B3GLCT: variants seen among roughly 807,000 people sequenced by gnomAD.
The protein encoded by B3GLCT is beta-1,3-glucosyltransferase.
In B3GLCT, 65 loss-of-function variants were observed where a neutral mutation model predicts 63.4. The observed-to-expected ratio is 1.03, with a 90% CI of 0.84 to 1.26. The LOEUF (loss-of-function observed/expected upper bound fraction) is 1.26, where lower values mean the gene tolerates loss of function less well. Among genes scored for constraint, B3GLCT ranks in the 50% most tolerant of loss-of-function variants. The probability of loss-of-function intolerance (pLI) is 0.00; values close to 1 mark genes in which losing one functional copy is unlikely to be tolerated. For synonymous variants in B3GLCT, 233 were observed against 219.2 expected (o/e 1.06, Z -0.55); for missense variants, 577 against 604.8 (o/e 0.95, Z 0.48).
intron 2 of B3GLCT, among the ~76,000 whole-genome samples, chr13:31,221,924 A>C (rs2137756984): frequency 6.6e-6 from 1 of 152,342 alleles, no homozygotes; most frequent in Admixed American, 6.5e-5. Context: ...TGGCACATTT[A>C]GCTGCTGACA....
intron 2 of B3GLCT, among the ~76,000 whole-genome samples, chr13:31,221,573 C>G (rs1293777540): frequency 6.6e-6 from 1 of 152,212 alleles, no homozygotes; most frequent in African/African-American, 2.4e-5. Flanking sequence ...AGGTTCTCCT[C>G]TACTCAGTGG....
chr13:31,269,983 C>T (rs7332406), intron 8 of B3GLCT, among the ~76,000 whole-genome samples: 31,763 of 152,074 alleles, frequency 0.21, 3,353 homozygotes, highest in East Asian at 0.24. Context: ...AGACGTATGC[C>T]TTTGTTGTGT....
At chr13:31,329,147 G>A (rs1875786812) in intron 14 of B3GLCT, among the ~76,000 whole-genome samples, 1 of 152,150 alleles carries the variant, frequency 6.6e-6, no homozygotes, top group South Asian at 2.1e-4. Context: ...GAAGTACCTG[G>A]AACATAACAG....
At chr13:31,286,023 T>C (rs1477946048) in intron 11 of B3GLCT, among the ~76,000 whole-genome samples, 6 of 152,220 alleles carry the variant, frequency 3.9e-5, no homozygotes, top group Admixed American at 3.9e-4. Flanking sequence ...TAATATAAGT[T>C]AATATTTGTG....
At chr13:31,231,113 C>T (rs1052842726) in intron 4 of B3GLCT, among the ~76,000 whole-genome samples, 2 of 152,130 alleles carry the variant, frequency 1.3e-5, no homozygotes, top group Admixed American at 1.3e-4. Context: ...ATGCAGCAAC[C>T]TTGACTGGCT....
At chr13:31,279,347 A>G (rs551898466) in intron 10 of B3GLCT, among the ~76,000 whole-genome samples, 24 of 152,182 alleles carry the variant, frequency 1.6e-4, no homozygotes, top group Non-Finnish European at 2.4e-4. Flanking sequence ...CCAGCCCCCA[A>G]TATTCAACGT....
At chr13:31,213,621 A>ACCCCCCCCCCCCCCCC (rs71099943) in intron 1 of B3GLCT, among the ~76,000 whole-genome samples, 7 of 55,014 alleles carry the variant, frequency 1.3e-4, no homozygotes, top group Admixed American at 5.4e-4. Context: ...CCCCCACCCC[A>ACCCCCCCCCCCCCCCC]CCCCCCCCCC....
chr13:31,284,433 T>A lies in B3GLCT; in HGVS notation c.851-215T>A, dbSNP rs1349396229. 2.0e-5 allele frequency among the ~76,000 whole-genome samples: 3 copies of A among 152,214 alleles called. No homozygotes were observed. The East Asian group carries it at 5.8e-4, about 29-fold the overall frequency. On this transcript the variant is annotated intron_variant, in intron 10 of 14. Coordinates refer to ENST00000343307, the MANE Select transcript of B3GLCT (RefSeq NM_194318.4). Reference sequence around the variant, plus strand: ...TGCATTCATCACCAGGAATGAGAAATGCTTTACTCTAGAGAATGTTGAAAA... The same window carrying A: ...TGCATTCATCACCAGGAATGAGAAAAGCTTTACTCTAGAGAATGTTGAAAA...
chr13:31,317,500 C>T, intron 12 of B3GLCT, 66 bp from the exon 13 acceptor site: 2 of 1,592,110 alleles, frequency 1.3e-6, no homozygotes, highest in South Asian at 1.1e-5. Flanking sequence ...ATGTAAGAAC[C>T]ATAAACTGTT....
intron 12 of B3GLCT, among the ~76,000 whole-genome samples, chr13:31,299,853 T>C (rs1294511263): frequency 1.3e-5 from 2 of 152,178 alleles, no homozygotes; most frequent in Non-Finnish European, 2.9e-5. Flanking sequence ...CCATGCTTCA[T>C]ATGGGCATCC....
intron 4 of B3GLCT, among the ~76,000 whole-genome samples, chr13:31,242,447 A>G (rs1017770710): frequency 2.6e-5 from 4 of 152,224 alleles, no homozygotes; most frequent in Admixed American, 6.5e-5. Context: ...GCTAAAAATT[A>G]TTGCAAAATT....
chr13:31,252,243 A>G (rs567871051), intron 6 of B3GLCT, among the ~76,000 whole-genome samples: 2 of 152,308 alleles, frequency 1.3e-5, no homozygotes, highest in South Asian at 2.1e-4. Context: ...AGGAACAACC[A>G]GTACCAGCCA....
At chr13:31,306,789 C>G (rs1840038144) in intron 12 of B3GLCT, among the ~76,000 whole-genome samples, 2 of 56,772 alleles carry the variant, frequency 3.5e-5, no homozygotes, top group Admixed American at 4.3e-4. Context: ...CCATCCCCAT[C>G]AAGCTACCAA....
intron 12 of B3GLCT, among the ~76,000 whole-genome samples, chr13:31,294,016 T>C (rs1873811524): frequency 6.6e-6 from 1 of 152,244 alleles, no homozygotes. Context: ...TGGCAAAATC[T>C]CTCAGCATTT....
chr13:31,297,757 G>A (rs1052711026), intron 12 of B3GLCT, among the ~76,000 whole-genome samples: 20 of 152,156 alleles, frequency 1.3e-4, no homozygotes, highest in African/African-American at 4.1e-4. Flanking sequence ...TGAGCTTCAC[G>A]TCGGGGTTCT....
chr13:31,208,417 C>T (rs1869079748), intron 1 of B3GLCT, among the ~76,000 whole-genome samples: 1 of 152,160 alleles, frequency 6.6e-6, no homozygotes, highest in Non-Finnish European at 1.5e-5. Flanking sequence ...CTATTGCACG[C>T]ACACCCCTGT....
At chr13:31,315,929 G>A (rs1199624962) in intron 12 of B3GLCT, among the ~76,000 whole-genome samples, 1 of 152,250 alleles carries the variant, frequency 6.6e-6, no homozygotes, top group African/African-American at 2.4e-5. Flanking sequence ...TTTTGCTTCA[G>A]AGGGTGCAAA....
intron 11 of B3GLCT, among the ~76,000 whole-genome samples, chr13:31,285,516 A>T (rs570208031): frequency 6.6e-6 from 1 of 151,102 alleles, no homozygotes; most frequent in South Asian, 2.1e-4. Context: ...CCTCATCTTC[A>T]GATATTCTTT....
At chr13:31,261,865 T>A (rs1282370980) in intron 7 of B3GLCT, among the ~76,000 whole-genome samples, 1 of 152,252 alleles carries the variant, frequency 6.6e-6, no homozygotes, top group East Asian at 1.9e-4. Flanking sequence ...ACAAAACTTC[T>A]TGACTACTCC....
Sources: allele counts gnomAD v4.1 joint callset (sites outside exome capture counted in the v4.1 genomes callset), GRCh38; gene constraint gnomAD v4.1.1; transcripts MANE v1.5; gene names NCBI Gene and HGNC (gene_info 2026-07-23, HGNC 2026-07-21).